Variants in GON4L observed in about 807,000 individuals in gnomAD.
GON4L encodes GON-4-like protein.
Under a neutral mutation model 211.8 loss-of-function variants are expected in GON4L, and 87 were observed. The ratio of observed to expected loss-of-function variants is 0.41; its 90% CI spans 0.35 to 0.49. GON4L has a LOEUF of 0.49. GON4L is among the 20% of genes least tolerant of loss of function. GON4L has a pLI of 0.15. For missense variants in GON4L, 2,155 were observed against 2,659.5 expected, an observed-to-expected ratio of 0.81 and a Z score of 4.17; for synonymous variants, 875 against 962.6, an observed-to-expected ratio of 0.91 and a Z score of 1.68.
In GON4L at chr1:155,757,041, C is replaced by G. The variant is rs1353104595; in HGVS notation, c.5434G>C (p.Glu1812Gln). The change falls in exon 27 of 32, where the codon GAA becomes CAA. Residue 1812 changes from glutamate to glutamine, a missense_variant. Glu to Gln is a conservative substitution (Grantham distance 29, BLOSUM62 2). This residue lies in a region of GON4L where 455 missense variants were observed against 504.6 expected (regional missense o/e 0.90). Coordinates refer to ENST00000368331, the MANE Select transcript of GON4L (RefSeq NM_001282860.2). ...GFEEVALPDVEEEEEPPKIPT... is the reference protein window; with the variant it reads ...GFEEVALPDVQEEEEPPKIPT... Reference sequence around the variant, plus strand: ...ATCTTGGGAGGCTCCTCCTCTTCTTCCACATCAGGCAGGGCCACTTCTTCA... The same window carrying G: ...ATCTTGGGAGGCTCCTCCTCTTCTTGCACATCAGGCAGGGCCACTTCTTCA... 6.2e-7 allele frequency: 1 copy of G among 1,613,736 alleles called. No individual in the cohort carries two copies. The highest frequency in any genetic ancestry group is 8.5e-7 in the Non-Finnish European group (1 of 1,179,786).
In GON4L at chr1:155,762,265, A is replaced by G; in HGVS notation, c.4836T>C (p.Tyr1612=). The G allele has an allele frequency of 6.2e-7, 1 of 1,613,290 alleles. No homozygotes were observed. Among genetic ancestry groups the G allele is most frequent in the Non-Finnish European group, 8.5e-7 (1 of 1,179,598 alleles). ...GATCTCGCTCGAGAATGTCCTCATC[A>G]TACAGCAACAGCAGCTTGGAGGTGT... is the stretch of plus-strand genomic sequence containing the variant. ...SKDTSKLLLL[Y]DEDILERDPL... is the part of the protein sequence containing the mutation. Residue 1612 remains tyrosine, a synonymous_variant, in exon 23 of 32, where the codon TAT becomes TAC. Coordinates refer to ENST00000368331, the MANE Select transcript of GON4L (RefSeq NM_001282860.2).
Position 155,820,639 on chromosome 1 carries a change from G to A in GON4L, c.981C>T (p.Arg327=). Residue 327 remains arginine (R), a synonymous_variant, in exon 6 of 32, where the codon CGC becomes CGT. Transcript: ENST00000368331. ...DMPMFEPKMT[R]SKLKEVVEKG... is the part of the protein sequence containing the mutation. ...TTTCCACTACTTCCTTCAGTTTAGAGCGTGTCATTTTAGGCTCCTAAGGAG... is the reference window on the plus strand; with the variant it reads ...TTTCCACTACTTCCTTCAGTTTAGAACGTGTCATTTTAGGCTCCTAAGGAG... 1 of 1,609,950 alleles carries A rather than the reference G, an allele frequency of 6.2e-7. No individual in the cohort carries two copies. The highest frequency in any genetic ancestry group is 8.5e-7 in the Non-Finnish European group (1 of 1,176,388).
chr1:155,849,600 C>A lies in GON4L; in HGVS notation c.505+3676G>T, dbSNP rs530319797. Among the ~76,000 whole-genome samples the A allele has an allele frequency of 1.4e-4, 21 of 149,130 alleles. No individual in the cohort carries two copies. In the South Asian group the frequency reaches 4.3e-3, roughly 30 times the overall value. ...ACCAGCCTGACCAACATGGTGAAAC[C>A]CCGTCTCTACTAAAAATACAAAAAT... On this transcript the variant is annotated intron_variant, in intron 2 of 31. Transcript: ENST00000368331.
At chr1:155,790,002 GAT>G (rs1309048902) in intron 12 of GON4L, among the ~76,000 whole-genome samples, 2 of 152,006 alleles carry the variant, frequency 1.3e-5, no homozygotes, top group Non-Finnish European at 2.9e-5. Context: ...GTAGTGGTAT[GAT>G]CACAGCTCAC....
At chr1:155,831,586 G>A (rs879785109) in intron 2 of GON4L, 1 of 151,970 alleles carries the variant, frequency 6.6e-6, no homozygotes, top group African/African-American at 2.4e-5. Flanking sequence ...TTTAAGGCCA[G>A]GAATTGTAGG....
intron 2 of GON4L, among the ~76,000 whole-genome samples, chr1:155,835,764 T>C (rs1557917013): frequency 6.6e-6 from 1 of 152,234 alleles, no homozygotes; most frequent in Admixed American, 6.5e-5. Context: ...TCCCTTCCTC[T>C]GTTGCTCTAA....
At chr1:155,856,828 A>C (rs1672332964) in intron 1 of GON4L, among the ~76,000 whole-genome samples, 1 of 152,212 alleles carries the variant, frequency 6.6e-6, no homozygotes, top group African/African-American at 2.4e-5. Flanking sequence ...AGGCACCTCA[A>C]ACACAGCAGT....
chr1:155,774,217 T>G lies in GON4L; in HGVS notation c.2350+785A>C, dbSNP rs1272892584. ...TACTGAACATGGCAAATGTATAATCTCTAACTTATGCCTAACTTGCAAGTC... is the reference window on the plus strand; with the variant it reads ...TACTGAACATGGCAAATGTATAATCGCTAACTTATGCCTAACTTGCAAGTC... On this transcript the variant is annotated intron_variant, in intron 17 of 31. Coordinates refer to ENST00000368331, the MANE Select transcript of GON4L (RefSeq NM_001282860.2). 2.6e-5 allele frequency among the ~76,000 whole-genome samples: 4 copies of G among 152,140 alleles called. No individual in the cohort carries two copies. In the East Asian group the frequency reaches 7.7e-4, roughly 29 times the overall value.
Position 155,822,275 on chromosome 1 carries a change from G to C in GON4L, c.888+11C>G. The C allele has an allele frequency of 6.2e-7, 1 of 1,605,722 alleles. No individual in the cohort carries two copies. The highest frequency in any genetic ancestry group is 2.2e-5 in the East Asian group (1 of 44,850). On this transcript the variant is annotated intron_variant, in intron 4 of 31. Transcript: ENST00000368331. ...CCCTTCCATTTACATAACTGCCCCA[G>C]TCTTACTCACATGAAGGATGTTTCG...
intron 10 of GON4L, 102 bp from the exon 11 acceptor site, chr1:155,805,243 C>G (rs543495643): frequency 1.2e-4 from 94 of 779,408 alleles, no homozygotes; most frequent in Non-Finnish European, 1.9e-4. Context: ...GATCCTTCCT[C>G]TAAACAATTT....
At chr1:155,858,297 A>G (rs1672432872), upstream of GON4L, among the ~76,000 whole-genome samples, 1 of 152,216 alleles carries the variant, frequency 6.6e-6, no homozygotes, top group Non-Finnish European at 1.5e-5. Context: ...AAGGTGGAAA[A>G]ATACTTTCAA....
chr1:155,776,446 G>A lies in GON4L; in HGVS notation c.2127C>T (p.Ala709=), dbSNP rs1183353036. 6.2e-7 allele frequency: 1 copy of A among 1,613,518 alleles called. No individual in the cohort carries two copies. The highest frequency in any genetic ancestry group is 1.1e-5 in the South Asian group (1 of 91,076). Residue 709 remains alanine (A), a synonymous_variant, in exon 16 of 32, where the codon GCC becomes GCT. Coordinates refer to ENST00000368331, the MANE Select transcript of GON4L (RefSeq NM_001282860.2). ...VQLLTQIHLL[A]TCNPNLNPEA... is the part of the protein sequence containing the mutation. ...CCGGATTGAGGTTGGGGTTGCAGGT[G>A]GCAAGAAGGTGGATTTGGGTCAAGA...
chr1:155,766,288 C>T lies in GON4L; in HGVS notation c.3185G>A (p.Gly1062Glu), dbSNP rs373855730. The T allele has an allele frequency of 6.2e-7, 1 of 1,614,130 alleles. No individual in the cohort carries two copies. Among genetic ancestry groups the T allele is most frequent in the Non-Finnish European group, 8.5e-7 (1 of 1,180,026 alleles). Reference protein sequence around the residue: ...VPGVPPLGVSGGESFESPAAL... With the variant: ...VPGVPPLGVSEGESFESPAAL... Reference sequence around the variant, plus strand: ...TGCAGGAGACTCAAAACTCTCACCTCCACTGACCCCCAGTGGAGGGACACC... The same window carrying T: ...TGCAGGAGACTCAAAACTCTCACCTTCACTGACCCCCAGTGGAGGGACACC... The change falls in exon 21 of 32, where the codon GGA (glycine) becomes GAA (glutamate). Residue 1062 changes from glycine to glutamate, a missense_variant. By Grantham distance (98) the Gly-to-Glu change is moderately conservative (BLOSUM62 -2). This residue lies in a region of GON4L where 615 missense variants were observed against 625.7 expected (regional missense o/e 0.98). Transcript: ENST00000368331.
chr1:155,782,286 T>A (rs529036922), intron 14 of GON4L, among the ~76,000 whole-genome samples: 1 of 152,352 alleles, frequency 6.6e-6, no homozygotes, highest in African/African-American at 2.4e-5. Flanking sequence ...CCAAGTACAG[T>A]CATGTGCCAC....
chr1:155,762,421 T>C (rs1479184700), intron 22 of GON4L, 47 bp from the exon 23 acceptor site: 2 of 1,493,000 alleles, frequency 1.3e-6, no homozygotes, highest in African/African-American at 1.4e-5. Flanking sequence ...CTGCAACCTG[T>C]GTTCTTCCCA....
intron 19 of GON4L, among the ~76,000 whole-genome samples, chr1:155,768,927 T>A (rs569358402): frequency 6.6e-6 from 1 of 152,248 alleles, no homozygotes; most frequent in East Asian, 1.9e-4. Context: ...TTCCTTCACG[T>A]TTGAGTTGTG....
At chr1:155,810,145 G>A (rs968000875) in intron 10 of GON4L, among the ~76,000 whole-genome samples, 2 of 150,452 alleles carry the variant, frequency 1.3e-5, no homozygotes, top group Non-Finnish European at 3.0e-5. Context: ...ACAGGCACTT[G>A]CCACAATGCC....
chr1:155,856,894 A>G (rs1031615245), intron 1 of GON4L, among the ~76,000 whole-genome samples: 4 of 152,120 alleles, frequency 2.6e-5, no homozygotes, highest in Non-Finnish European at 4.4e-5. Flanking sequence ...GGGTGAATGA[A>G]TGCCAATGTG....
intron 17 of GON4L, 151 bp downstream of exon 17, chr1:155,774,851 G>A: frequency 1.2e-6 from 1 of 838,570 alleles, no homozygotes; most frequent in South Asian, 1.6e-5. Flanking sequence ...TGGATAATGA[G>A]TACAAAGGGA....
Sources: gnomAD v4.1 joint callset for allele counts (sites outside exome capture counted in the v4.1 genomes callset) on GRCh38, gnomAD v4.1.1 for gene constraint, gnomAD v4.1.1 regional missense constraint, MANE v1.5 for transcripts, NCBI Gene and HGNC (gene_info 2026-07-23, HGNC 2026-07-21) for gene names.